SNX8: variants seen among roughly 807,000 people sequenced by gnomAD.
The protein encoded by SNX8 is sorting nexin 8.
Under a neutral mutation model 51.6 loss-of-function variants are expected in SNX8, and 25 were observed. That is an observed-to-expected ratio of 0.48 (90% CI 0.35 to 0.68). The LOEUF is 0.68. SNX8 is among the 30% of genes least tolerant of loss of function. The pLI is 0.00. For synonymous variants in SNX8, 324 were observed against 277.0 expected (o/e 1.17, Z -1.68); for missense variants, 695 against 624.0 (o/e 1.11, Z -1.21).
intron 1 of SNX8, chr7:2,337,030 C>G (rs1186694780): frequency 4.0e-5 from 6 of 150,240 alleles, no homozygotes; most frequent in Admixed American, 2.7e-4. Context: ...AGAAAGAAAT[C>G]AGTATAGCGG....
chr7:2,345,799 T>C (rs1404157020), intron 1 of SNX8, among the ~76,000 whole-genome samples: 3 of 152,142 alleles, frequency 2.0e-5, no homozygotes, highest in Non-Finnish European at 4.4e-5. Context: ...CAAAGGGTAT[T>C]ATTTCTTATT....
chr7:2,269,528 A>G (rs1248385893), intron 5 of SNX8, 31 bp downstream of exon 5: 3 of 1,348,062 alleles, frequency 2.2e-6, no homozygotes, highest in Non-Finnish European at 2.0e-6. Flanking sequence ...TAAATTAAAA[A>G]AAAAAAAAAA....
chr7:2,263,672 G>T (rs748876099), intron 6 of SNX8, among the ~76,000 whole-genome samples: 1 of 152,196 alleles, frequency 6.6e-6, no homozygotes, highest in Non-Finnish European at 1.5e-5. Flanking sequence ...CTCAGGCAAA[G>T]GAAGCGCTGC....
intron 8 of SNX8, 63 bp downstream of exon 8, chr7:2,257,672 T>C (rs1795224291): frequency 6.3e-7 from 1 of 1,582,812 alleles, no homozygotes. Flanking sequence ...AGTTAGACCC[T>C]TGAAGGATCC....
chr7:2,351,443 T>G (rs552376185), intron 1 of SNX8, among the ~76,000 whole-genome samples: 35 of 151,984 alleles, frequency 2.3e-4, no homozygotes, highest in Admixed American at 3.3e-4. Flanking sequence ...TACCAGATAC[T>G]CAGGAAGCTA....
chr7:2,321,601 T>C (rs1778515004), intron 1 of SNX8, among the ~76,000 whole-genome samples: 3 of 149,472 alleles, frequency 2.0e-5, no homozygotes, highest in South Asian at 4.2e-4. Context: ...TAATTTTTTG[T>C]GTTTTTAGCA....
intron 5 of SNX8, among the ~76,000 whole-genome samples, chr7:2,267,647 G>C (rs1040772632): frequency 1.3e-5 from 2 of 148,750 alleles, no homozygotes; most frequent in Non-Finnish European, 3.0e-5. Context: ...GCAGTGACGT[G>C]ATCTCGGCTC....
intron 1 of SNX8, among the ~76,000 whole-genome samples, chr7:2,334,623 C>A (rs1778792037): frequency 2.0e-5 from 3 of 151,556 alleles, no homozygotes; most frequent in African/African-American, 7.3e-5. Context: ...GATCACGAGC[C>A]CAGGAGGCAG....
At chr7:2,267,103 G>A (rs971332647) in intron 5 of SNX8, among the ~76,000 whole-genome samples, 14 of 152,216 alleles carry the variant, frequency 9.2e-5, no homozygotes, top group Non-Finnish European at 1.8e-4. Flanking sequence ...GCCTCCCTGA[G>A]CCTGTTTCTC....
intron 1 of SNX8, among the ~76,000 whole-genome samples, chr7:2,320,427 T>C (rs1000223243): frequency 6.6e-6 from 1 of 152,064 alleles, no homozygotes; most frequent in African/African-American, 2.4e-5. Context: ...TATCAAAATT[T>C]GTATGGCTAG....
chr7:2,264,587 C>G, intron 5 of SNX8, 129 bp from the exon 6 acceptor site: 1 of 768,460 alleles, frequency 1.3e-6, no homozygotes, highest in Non-Finnish European at 2.1e-6. Flanking sequence ...CCGGGAGCCC[C>G]ACTCCTCCAG....
At chr7:2,258,409 G>C (rs1322034644) in intron 7 of SNX8, among the ~76,000 whole-genome samples, 1 of 152,140 alleles carries the variant, frequency 6.6e-6, no homozygotes, top group Non-Finnish European at 1.5e-5. Flanking sequence ...GCCTTTCTCA[G>C]GCCTTCGCAA....
In SNX8 at chr7:2,278,157, G is replaced by T; in HGVS notation, c.243C>A (p.Leu81=). 6.2e-7 allele frequency: 1 copy of T among 1,614,150 alleles called. No individual in the cohort carries two copies. Among genetic ancestry groups the T allele is most frequent in the Non-Finnish European group, 8.5e-7 (1 of 1,180,020 alleles). ...GGAAGAGGCCCTTCTTCTCCGGAATGAGCTCCACCTGCACGGTGTCCCTGG... is the reference window on the plus strand; with the variant it reads ...GGAAGAGGCCCTTCTTCTCCGGAATTAGCTCCACCTGCACGGTGTCCCTGG... ...LLARDTVQVE[L]IPEKKGLFLK... is the part of the protein sequence containing the mutation. The change falls in exon 2 of 11, where the codon CTC becomes CTA. Residue 81 remains leucine, a synonymous_variant. Coordinates refer to ENST00000222990, the MANE Select transcript of SNX8 (RefSeq NM_013321.4).
chr7:2,340,779 C>T (rs951521362), intron 1 of SNX8, among the ~76,000 whole-genome samples: 1 of 144,402 alleles, frequency 6.9e-6, no homozygotes, highest in Non-Finnish European at 1.5e-5. Flanking sequence ...ATCGCTTGAA[C>T]CCGGAGGGCG....
intron 1 of SNX8, among the ~76,000 whole-genome samples, chr7:2,308,505 T>G (rs879582916): frequency 1.8e-4 from 27 of 151,444 alleles, no homozygotes; most frequent in African/African-American, 6.6e-4. Flanking sequence ...CCGACTCTAC[T>G]AAAAATACAA....
At chr7:2,297,023 C>T (rs773551529) in intron 1 of SNX8, among the ~76,000 whole-genome samples, 2 of 152,008 alleles carry the variant, frequency 1.3e-5, no homozygotes, top group Non-Finnish European at 2.9e-5. Context: ...ATTAAAACCA[C>T]AATGAGATAG....
chr7:2,327,291 G>A (rs1327130833), intron 1 of SNX8, among the ~76,000 whole-genome samples: 1 of 152,148 alleles, frequency 6.6e-6, no homozygotes, highest in East Asian at 1.9e-4. Context: ...CCAGGCTGGA[G>A]TGCTGTGGTG....
intron 1 of SNX8, among the ~76,000 whole-genome samples, chr7:2,298,065 C>CA (rs1462529874): frequency 1.3e-5 from 2 of 151,956 alleles, no homozygotes; most frequent in Admixed American, 6.6e-5. Context: ...TAAAAAAACA[C>CA]AAAAAATGTT....
In SNX8 at chr7:2,335,244, G is replaced by A. The variant is rs371544266; in HGVS notation, c.-66+18978C>T. Among the ~76,000 whole-genome samples, 190 of 152,178 alleles carry A rather than the reference G, an allele frequency of 1.2e-3. 6 individuals carry two copies. The South Asian group carries it at 0.037, about 29-fold the overall frequency. On this transcript the variant is annotated intron_variant, in intron 1 of 5. Coordinates refer to the SNX8 transcript ENST00000435336. ...AGCCAGATGTTGGAAACAAGCCAGAGGTTCATGAACAGCCAACGGATAAAC... is the reference window on the plus strand; with the variant it reads ...AGCCAGATGTTGGAAACAAGCCAGAAGTTCATGAACAGCCAACGGATAAAC...
Sources: allele counts gnomAD v4.1 joint callset (sites outside exome capture counted in the v4.1 genomes callset), GRCh38; gene constraint gnomAD v4.1.1; transcripts MANE v1.5; gene names NCBI Gene and HGNC (gene_info 2026-07-23, HGNC 2026-07-21).